Variants in RAP1GAP2 observed in about 807,000 individuals in gnomAD.
RAP1GAP2 encodes the protein RAP1 GTPase activating protein 2, also known as rap1 GTPase-activating protein 2.
Under a neutral mutation model 95.0 loss-of-function variants are expected in RAP1GAP2, and 27 were observed. The observed-to-expected ratio is 0.28, with a 90% CI of 0.21 to 0.39. The LOEUF (loss-of-function observed/expected upper bound fraction) is 0.39. Among genes scored for constraint, RAP1GAP2 ranks in the 10% least tolerant of loss-of-function variants. The pLI is 1.00. For synonymous variants in RAP1GAP2, 373 were observed against 380.9 expected (o/e 0.98, Z 0.24); for missense variants, 771 against 970.0 (o/e 0.79, Z 2.72).
At chr17:2,995,194 A>G in intron 12 of RAP1GAP2, 143 bp from the exon 13 acceptor site, 1 of 998,524 alleles carries the variant, frequency 1.0e-6, no homozygotes, top group Non-Finnish European at 1.5e-6. Context: ...TGCTTTTCCC[A>G]CATCACAGCC....
At chr17:2,923,830 C>T (rs899480175) in intron 3 of RAP1GAP2, among the ~76,000 whole-genome samples, 9 of 152,162 alleles carry the variant, frequency 5.9e-5, no homozygotes, top group Non-Finnish European at 8.8e-5. Flanking sequence ...CCGTTCTTAC[C>T]ATTTGCTAAT....
intron 2 of RAP1GAP2, among the ~76,000 whole-genome samples, chr17:2,826,275 G>A (rs1015892423): frequency 1.3e-5 from 2 of 150,344 alleles, no homozygotes; most frequent in African/African-American, 2.5e-5. Flanking sequence ...GATTACAGGC[G>A]TGAGCCACCA....
chr17:2,987,929 G>T (rs1279147934), intron 11 of RAP1GAP2, among the ~76,000 whole-genome samples: 2 of 152,208 alleles, frequency 1.3e-5, no homozygotes, highest in African/African-American at 2.4e-5. Flanking sequence ...ATGGCAGCCT[G>T]TGCATGTTTG....
In RAP1GAP2 at chr17:3,035,458, C is replaced by T. The variant is rs187561273; in HGVS notation, c.*2097C>T. 3 of 152,558 alleles carry T rather than the reference C, an allele frequency of 2.0e-5. No individual in the cohort carries two copies. Among genetic ancestry groups the T allele is most frequent in the Admixed American group, 1.3e-4 (2 of 15,310 alleles). The allele number at this position is 152,558 out of a possible 1,614,324, so 9.5% of individuals were successfully genotyped here. A position where few individuals can be genotyped will look rare whatever the true frequency, so the allele number is the denominator to read the frequency against. On this transcript the variant is annotated 3_prime_UTR_variant, in exon 25 of 25. Transcript: ENST00000254695. The surrounding 1 kb of genome is among the most constrained non-coding windows in gnomAD (Gnocchi z 4.3). The stretch of plus-strand genomic sequence containing the variant: ...ATTTGGGAATCCCATACCTGCCTGT[C>T]CCCACTGCGCTGGCTGACCCTTGCT...
At chr17:2,930,865 T>C (rs2043121000) in intron 3 of RAP1GAP2, among the ~76,000 whole-genome samples, 2 of 152,156 alleles carry the variant, frequency 1.3e-5, no homozygotes. Flanking sequence ...GGCTCACGCC[T>C]GTAATCCCAG....
chr17:2,879,062 T>G (rs924757613), intron 2 of RAP1GAP2, among the ~76,000 whole-genome samples: 5 of 151,520 alleles, frequency 3.3e-5, no homozygotes, highest in African/African-American at 1.2e-4. Flanking sequence ...CCTTGCCTCC[T>G]CCTTCCTGCC....
At chr17:2,926,089 G>A (rs529560153) in intron 3 of RAP1GAP2, among the ~76,000 whole-genome samples, 21 of 146,616 alleles carry the variant, frequency 1.4e-4, no homozygotes, top group Middle Eastern at 3.6e-3. Flanking sequence ...GCAGTGAGCC[G>A]AGATCATGCC....
At chr17:2,924,231 G>T (rs1347013246) in intron 3 of RAP1GAP2, among the ~76,000 whole-genome samples, 2 of 152,064 alleles carry the variant, frequency 1.3e-5, no homozygotes, top group Non-Finnish European at 2.9e-5. Context: ...CCTTTTGAGG[G>T]GACCTGCTGT....
At chr17:2,919,521 G>T (rs538421626) in intron 3 of RAP1GAP2, among the ~76,000 whole-genome samples, 2 of 152,036 alleles carry the variant, frequency 1.3e-5, no homozygotes, top group East Asian at 3.9e-4. Flanking sequence ...GTATTTCGGG[G>T]ACAGATGCTG....
intron 3 of RAP1GAP2, among the ~76,000 whole-genome samples, chr17:2,927,176 C>T (rs9897306): frequency 0.16 from 24,460 of 150,090 alleles, 2,221 homozygotes; most frequent in Middle Eastern, 0.2. Flanking sequence ...TTTTTTTAGA[C>T]AGAATCTCGC....
intron 8 of RAP1GAP2, among the ~76,000 whole-genome samples, chr17:2,978,884 G>A (rs7224380): frequency 0.077 from 11,659 of 152,010 alleles, 1,324 homozygotes; most frequent in African/African-American, 0.25. Context: ...GTAGTGAGCC[G>A]AGATCACGCC....
In RAP1GAP2 at chr17:2,965,665, A is replaced by C; in HGVS notation, c.596+22A>C. On this transcript the variant is annotated intron_variant, in intron 8 of 24. Coordinates refer to ENST00000254695, the MANE Select transcript of RAP1GAP2 (RefSeq NM_015085.5). This position sits in a 1 kb window ranked among gnomAD's most constrained non-coding sequence, Gnocchi z 4.7. ...TTAGGTAGGGCTGTTGCGCTGCTTGAGGCCACTTCTCTTCCAGGCAGGGCT... is the reference window on the plus strand; with the variant it reads ...TTAGGTAGGGCTGTTGCGCTGCTTGCGGCCACTTCTCTTCCAGGCAGGGCT... 1.3e-6 allele frequency: 2 copies of C among 1,526,634 alleles called. No individual in the cohort carries two copies. Among genetic ancestry groups the C allele is most frequent in the Non-Finnish European group, 1.8e-6 (2 of 1,111,724 alleles). 94.6% of individuals were successfully genotyped at this position (1,526,634 alleles called of 1,614,324 possible).
chr17:2,994,585 T>C (rs1048293170), intron 12 of RAP1GAP2, among the ~76,000 whole-genome samples: 1 of 152,218 alleles, frequency 6.6e-6, no homozygotes, highest in Admixed American at 6.5e-5. Flanking sequence ...GATGCTCCTC[T>C]GGGGCTCCCC....
At chr17:2,768,922 T>C (rs1275221521) in intron 1 of RAP1GAP2, among the ~76,000 whole-genome samples, 1 of 151,768 alleles carries the variant, frequency 6.6e-6, no homozygotes, top group Non-Finnish European at 1.5e-5. Context: ...GCCCTTCTCC[T>C]GCTGTGAAAT....
chr17:2,923,129 T>G (rs1439394954), intron 3 of RAP1GAP2, among the ~76,000 whole-genome samples: 4 of 149,536 alleles, frequency 2.7e-5, no homozygotes, highest in African/African-American at 7.4e-5. Flanking sequence ...AACCTCCACC[T>G]CCTGAGTTCA....
At chr17:2,970,951 C>T (rs1389108609) in intron 8 of RAP1GAP2, among the ~76,000 whole-genome samples, 1 of 152,150 alleles carries the variant, frequency 6.6e-6, no homozygotes, top group Non-Finnish European at 1.5e-5. Flanking sequence ...AGGAGGATTG[C>T]TTGAGCCTGG....
At chr17:2,893,388 G>A (rs2073782545) in intron 2 of RAP1GAP2, among the ~76,000 whole-genome samples, 1 of 152,292 alleles carries the variant, frequency 6.6e-6, no homozygotes, top group Non-Finnish European at 1.5e-5. Flanking sequence ...GATAATAAAT[G>A]CGTGTGGTCA....
At chr17:2,986,711 G>T (rs2045570523) in intron 11 of RAP1GAP2, among the ~76,000 whole-genome samples, 1 of 152,106 alleles carries the variant, frequency 6.6e-6, no homozygotes, top group Non-Finnish European at 1.5e-5. Context: ...CATGCTGGGG[G>T]ATACGGTGAC....
At chr17:2,929,024 A>T (rs928654216) in intron 3 of RAP1GAP2, among the ~76,000 whole-genome samples, 30 of 152,168 alleles carry the variant, frequency 2.0e-4, no homozygotes, top group African/African-American at 6.3e-4. Context: ...GTTTGAAGCC[A>T]GGAGTTCAAG....
Sources: gnomAD v4.1 joint callset for allele counts (sites outside exome capture counted in the v4.1 genomes callset) on GRCh38, gnomAD v4.1.1 for gene constraint, Gnocchi (gnomAD v3.1) non-coding constraint, MANE v1.5 for transcripts, NCBI Gene and HGNC (gene_info 2026-07-23, HGNC 2026-07-21) for gene names.